NSD2: variants seen among roughly 807,000 people sequenced by gnomAD.
NSD2 encodes nuclear receptor binding SET domain protein 2.
NSD2 carries 12 observed loss-of-function variants against 139.0 expected under a neutral mutation model. The ratio of observed to expected loss-of-function variants is 0.09; its 90% CI spans 0.06 to 0.14. The LOEUF (loss-of-function observed/expected upper bound fraction) is 0.14, where lower values mean the gene tolerates loss of function less well. NSD2 is among the 10% of genes least tolerant of loss of function. The probability of loss-of-function intolerance (pLI) is 1.00; values close to 1 mark genes in which losing one functional copy is unlikely to be tolerated. For missense variants in NSD2, 1,155 were observed against 1,745.0 expected, an observed-to-expected ratio of 0.66 and a Z score of 6.02; for synonymous variants, 669 against 648.7, an observed-to-expected ratio of 1.03 and a Z score of -0.48.
At chr4:1,879,292 C>G (rs530036107) in intron 1 of NSD2, among the ~76,000 whole-genome samples, 2 of 152,126 alleles carry the variant, frequency 1.3e-5, no homozygotes, top group African/African-American at 4.8e-5. Context: ...GATCTCAGCT[C>G]GCTGCAAGCT....
At chr4:1,875,425 G>T (rs1386118311) in intron 1 of NSD2, among the ~76,000 whole-genome samples, 1 of 151,782 alleles carries the variant, frequency 6.6e-6, no homozygotes, top group African/African-American at 2.4e-5. Context: ...GGGACAACAG[G>T]CATGTGCCAC....
intron 3 of NSD2, among the ~76,000 whole-genome samples, chr4:1,916,220 C>T (rs1453328652): frequency 6.6e-6 from 1 of 152,134 alleles, no homozygotes; most frequent in African/African-American, 2.4e-5. Context: ...CCGTATACTG[C>T]CTCCTTCACT....
intron 18 of NSD2, among the ~76,000 whole-genome samples, chr4:1,966,696 T>C (rs796652916): frequency 5.9e-5 from 9 of 151,604 alleles, no homozygotes; most frequent in African/African-American, 2.2e-4. Context: ...TAAAAAACAA[T>C]TACTAGTTTA....
At chr4:1,940,554 CT>C in intron 9 of NSD2, 1 of 1,064,294 alleles carries the variant, frequency 9.4e-7, no homozygotes, top group Non-Finnish European at 1.1e-6. Flanking sequence ...TAGGGATTAC[CT>C]TCATAGAGCT....
At position 1,900,699 on chromosome 4, in the gene NSD2, TGTAAA is replaced by T. The variant is rs752876397; in HGVS notation, c.48_52del (p.Lys17HisfsTer38). On this transcript the variant is annotated frameshift_variant, in exon 2 of 22. Transcript: ENST00000508803. LOFTEE classifies it high-confidence loss of function. ...AGAGTCCCCTTTCTGTTCAGAGTGT[TGTAAA>T]GTGCATAAAGATGAAGCAGGCACCA... 100 of 1,612,562 alleles carry T rather than the reference TGTAAA, an allele frequency of 6.2e-5. No individual in the cohort carries two copies. The highest frequency in any genetic ancestry group is 8.0e-5 in the African/African-American group (6 of 74,790).
intron 5 of NSD2, among the ~76,000 whole-genome samples, chr4:1,927,025 A>ATT (rs1720995470): frequency 6.6e-6 from 1 of 152,164 alleles, no homozygotes; most frequent in Admixed American, 6.5e-5. Context: ...TTGAAGTTGC[A>ATT]TTTAAGATGT....
At chr4:1,959,052 G>A (rs1240824910) in intron 16 of NSD2, among the ~76,000 whole-genome samples, 2 of 152,216 alleles carry the variant, frequency 1.3e-5, no homozygotes, top group Non-Finnish European at 2.9e-5. Flanking sequence ...CTTGCTGCTG[G>A]TGCTTGGTAA....
At chr4:1,945,756 C>T (rs1723561556) in intron 9 of NSD2, 1 of 1,064,196 alleles carries the variant, frequency 9.4e-7, no homozygotes, top group Non-Finnish European at 1.1e-6. Flanking sequence ...TGGCTGACAT[C>T]AGTCACTGCG....
intron 16 of NSD2, 77 bp from the exon 17 acceptor site, chr4:1,959,393 GA>G: frequency 6.5e-7 from 1 of 1,544,980 alleles, no homozygotes; most frequent in Non-Finnish European, 8.8e-7. Context: ...GCTGGGTAAG[GA>G]GAGGCAGTGG....
chr4:1,927,536 G>C (rs1277566102), intron 5 of NSD2, among the ~76,000 whole-genome samples: 1 of 151,880 alleles, frequency 6.6e-6, no homozygotes, highest in African/African-American at 2.4e-5. Flanking sequence ...TGGCCCACAT[G>C]GTGAAACCCC....
At chr4:1,930,535 C>A in intron 5 of NSD2, 91 bp from the exon 6 acceptor site, 1 of 1,368,788 alleles carries the variant, frequency 7.3e-7, no homozygotes, top group Non-Finnish European at 9.7e-7. Flanking sequence ...ACACTAAGTT[C>A]TAAAGGGCCG....
intron 1 of NSD2, 81 bp from the exon 2 acceptor site, chr4:1,900,545 C>A: frequency 1.1e-6 from 1 of 889,130 alleles, no homozygotes; most frequent in Non-Finnish European, 1.7e-6. Flanking sequence ...CCCCACAAAG[C>A]TGTAGAGGTC....
At chr4:1,875,015 G>A (rs1714143035) in intron 1 of NSD2, among the ~76,000 whole-genome samples, 1 of 152,172 alleles carries the variant, frequency 6.6e-6, no homozygotes, top group South Asian at 2.1e-4. Flanking sequence ...GGTGTGGAGT[G>A]CAGTGGTTCA....
At chr4:1,953,062 C>A in intron 11 of NSD2, 1 of 1,457,814 alleles carries the variant, frequency 6.9e-7, no homozygotes, top group Non-Finnish European at 9.0e-7. Context: ...TTAGACTGGG[C>A]CTCCCCAGCC....
rs767653275 is a variant in NSD2 at position 1,939,738 on chromosome 4, G to A, written c.1841G>A (p.Ser614Asn). The A allele has an allele frequency of 3.3e-5, 53 of 1,614,104 alleles. No homozygotes were observed. The highest frequency in any genetic ancestry group is 4.5e-5 in the Non-Finnish European group (53 of 1,180,044). ...GCAGCATCTTCAGCTCTTGGGTTTA[G>A]CAAAAGTTCATCTCCTTCTGCATCC... Reference protein sequence around the residue: ...STAASSALGFSKSSSPSASLT... With the variant: ...STAASSALGFNKSSSPSASLT... The change falls in exon 9 of 22, where the codon AGC becomes AAC. Residue 614 changes from serine (S) to asparagine (N), a missense_variant. By Grantham distance (46) the Ser-to-Asn change is conservative. Around this residue, in one of 8 missense-constraint regions of NSD2, gnomAD observed 420 missense variants for 469.0 expected, o/e 0.90. Transcript: ENST00000508803.
At chr4:1,937,739 G>A (rs1302150367) in intron 7 of NSD2, among the ~76,000 whole-genome samples, 1 of 152,224 alleles carries the variant, frequency 6.6e-6, no homozygotes, top group Non-Finnish European at 1.5e-5. Context: ...AGGTGGGTGA[G>A]ATGGAGTATG....
chr4:1,944,867 G>T, intron 9 of NSD2: 1 of 1,063,090 alleles, frequency 9.4e-7, no homozygotes, highest in Non-Finnish European at 1.1e-6. Context: ...ACATCTCAGT[G>T]CTGTCTTGAG....
At chr4:1,933,516 A>C (rs1301508412) in intron 6 of NSD2, among the ~76,000 whole-genome samples, 1 of 151,452 alleles carries the variant, frequency 6.6e-6, no homozygotes, top group East Asian at 1.9e-4. Context: ...CAGCCTCCCG[A>C]GTAGCTGGGA....
chr4:1,896,605 A>G (rs919669069), intron 1 of NSD2, among the ~76,000 whole-genome samples: 3 of 152,204 alleles, frequency 2.0e-5, no homozygotes, highest in African/African-American at 4.8e-5. Flanking sequence ...GGTTCAAGCA[A>G]TCCTCCCTCT....
Sources: allele counts gnomAD v4.1 joint callset (sites outside exome capture counted in the v4.1 genomes callset), GRCh38; gene constraint gnomAD v4.1.1; regional missense constraint gnomAD v4.1.1; transcripts MANE v1.5; gene names NCBI Gene and HGNC (gene_info 2026-07-23, HGNC 2026-07-21).